Variants in STAB2 observed in about 807,000 individuals in gnomAD.
STAB2 encodes stabilin-2.
Under a neutral mutation model 338.1 loss-of-function variants are expected in STAB2, and 288 were observed. That is an observed-to-expected ratio of 0.85 (90% CI 0.77 to 0.94). The LOEUF is 0.94. STAB2 is among the 40% of genes least tolerant of loss of function. The pLI is 0.00. For synonymous variants in STAB2, 1,202 were observed against 1,193.3 expected (o/e 1.01, Z -0.15); for missense variants, 3,141 against 3,210.1 (o/e 0.98, Z 0.52).
rs11111731 is a variant in STAB2 at position 103,719,808 on chromosome 12, G to A, written c.4683+1967G>A. Among the ~76,000 whole-genome samples, 1,031 of 152,278 alleles carry A rather than the reference G, an allele frequency of 6.8e-3. 12 individuals are homozygous for A. The highest frequency in any genetic ancestry group is 0.024 in the African/African-American group (978 of 41,558). On this transcript the variant is annotated intron_variant, in intron 44 of 68. Coordinates refer to ENST00000388887, the MANE Select transcript of STAB2 (RefSeq NM_017564.10). ...TGAGGAGTGAAGGCCCTTGCCCAAG[G>A]CCACAGAGCTAGTATGTGGCATGGC...
Position 103,749,105 on chromosome 12 carries a change from C to A in STAB2, c.6387C>A (p.Asp2129Glu), listed in dbSNP as rs147900919. 6.2e-7 allele frequency: 1 copy of A among 1,612,122 alleles called. No homozygotes were observed. Among genetic ancestry groups the A allele is most frequent in the Non-Finnish European group, 8.5e-7 (1 of 1,178,622 alleles). Residue 2129 changes from aspartate (D) to glutamate (E), a missense_variant, in exon 59 of 69, where the codon GAC (aspartate) becomes GAA (glutamate). Transcript: ENST00000388887. Reference protein sequence around the residue: ...HSCTEIDPCADGLNGGCHEHA... With the variant: ...HSCTEIDPCAEGLNGGCHEHA... ...GCACAGAGATAGACCCCTGTGCAGA[C>A]GGCCTTAACGGAGGGTGTCACGAGC...
intron 26 of STAB2, 110 bp downstream of exon 26, chr12:103,683,410 C>G (rs1414560906): frequency 5.5e-6 from 5 of 911,962 alleles, no homozygotes; most frequent in Non-Finnish European, 8.0e-6. Flanking sequence ...TCTCTTACCC[C>G]CAAAAGGGAA....
At position 103,604,156 on chromosome 12, in the gene STAB2, C is replaced by A. The variant is rs182274055; in HGVS notation, c.331+9646C>A. On this transcript the variant is annotated intron_variant, in intron 3 of 68. Coordinates refer to ENST00000388887, the MANE Select transcript of STAB2 (RefSeq NM_017564.10). ...GACAATAATGTTGTCTGTGAATAGA[C>A]AACTTTATTTATTTATTTCTAATCT... 2.2e-3 allele frequency among the ~76,000 whole-genome samples: 329 copies of A among 152,150 alleles called. 2 individuals are homozygous for A. The highest frequency in any genetic ancestry group is 7.5e-3 in the African/African-American group (310 of 41,538).
In STAB2 at chr12:103,742,273, A is replaced by G. The variant is rs188577735; in HGVS notation, c.5882-132A>G. On this transcript the variant is annotated intron_variant, in intron 55 of 68. Transcript: ENST00000388887. Reference sequence around the variant, plus strand: ...TCCCATAGGCCAGTGACGTGCCTTAAATATCCACTGACACTGAAGGCGATG... The same window carrying G: ...TCCCATAGGCCAGTGACGTGCCTTAGATATCCACTGACACTGAAGGCGATG... 4.6e-5 allele frequency: 56 copies of G among 1,213,920 alleles called. No homozygotes were observed. In the Admixed American group the frequency reaches 1.3e-3, roughly 28 times the overall value. 75.2% of individuals were successfully genotyped at this position (1,213,920 alleles called of 1,614,324 possible). A position where few individuals can be genotyped will look rare whatever the true frequency, so the allele number is the denominator to read the frequency against.
chr12:103,755,726 C>T lies in STAB2; in HGVS notation c.6987+8C>T, dbSNP rs754263623. ...CTCACAAACTTCCTGACGGTATGTACCATGTCTGCTTGGTTTGCCTCAGGC... is the reference window on the plus strand; with the variant it reads ...CTCACAAACTTCCTGACGGTATGTATCATGTCTGCTTGGTTTGCCTCAGGC... On this transcript the variant is annotated splice_region_variant and intron_variant, in intron 63 of 68. Coordinates refer to ENST00000388887, the MANE Select transcript of STAB2 (RefSeq NM_017564.10). 1 of 1,613,810 alleles carries T rather than the reference C, an allele frequency of 6.2e-7. No homozygotes were observed. Among genetic ancestry groups the T allele is most frequent in the Admixed American group, 1.7e-5 (1 of 59,992 alleles).
chr12:103,607,542 C>A (rs942867606), intron 3 of STAB2, among the ~76,000 whole-genome samples: 58 of 152,136 alleles, frequency 3.8e-4, no homozygotes, highest in Admixed American at 1.4e-3. Flanking sequence ...CCTCCTCCCC[C>A]CACCCCACAA....
Position 103,663,017 on chromosome 12 carries a change from T to C in STAB2, c.2022+19T>C. 2.5e-6 allele frequency: 4 copies of C among 1,613,230 alleles called. No homozygotes were observed. The highest frequency in any genetic ancestry group is 3.4e-6 in the Non-Finnish European group (4 of 1,179,602). ...GAAACTGGTAAGAAAACTAGGAAAA[T>C]AAGTAAGGGCCCCAAACAGCCCCTC... On this transcript the variant is annotated intron_variant, in intron 18 of 68. Transcript: ENST00000388887.
chr12:103,761,647 G>C (rs777568109), intron 66 of STAB2, among the ~76,000 whole-genome samples: 2 of 152,142 alleles, frequency 1.3e-5, no homozygotes, highest in Non-Finnish European at 2.9e-5. Flanking sequence ...TTGAATGAAA[G>C]GGGGAGGATG....
At chr12:103,697,708 G>A (rs537744744) in intron 33 of STAB2, among the ~76,000 whole-genome samples, 2 of 152,334 alleles carry the variant, frequency 1.3e-5, no homozygotes, top group African/African-American at 4.8e-5. Context: ...GAATTTGATA[G>A]AATGAATTGT....
rs185424519 is a variant in STAB2, at chr12:103,637,182, A to C, written c.655A>C (p.Lys219Gln). The part of the protein sequence containing the change: ...RCSPSTEDEN[K>Q]LECKCLPNYR... ...TTCGCCTTCCACTGAAGATGAAAAC[A>C]AACTGGAATGCAAATGCCTTCCCAA... The change falls in exon 7 of 69, where the codon AAA (lysine) becomes CAA (glutamine). Residue 219 changes from lysine to glutamine, a missense_variant. By Grantham distance (53) the Lys-to-Gln change is moderately conservative. Transcript: ENST00000388887. 8.7e-4 allele frequency: 1,399 copies of C among 1,613,308 alleles called. No individual in the cohort carries two copies. The highest frequency in any genetic ancestry group is 1.1e-3 in the Non-Finnish European group (1,278 of 1,179,790).
At chr12:103,736,088 G>A (rs902523235) in intron 52 of STAB2, among the ~76,000 whole-genome samples, 3 of 152,130 alleles carry the variant, frequency 2.0e-5, no homozygotes, top group African/African-American at 7.2e-5. Flanking sequence ...ATGATGAATG[G>A]GTCTAATGGG....
At chr12:103,675,849 G>T (rs1386185885) in intron 23 of STAB2, 79 bp from the exon 24 acceptor site, 3 of 1,149,930 alleles carry the variant, frequency 2.6e-6, no homozygotes, top group Non-Finnish European at 3.8e-6. Flanking sequence ...CCAGGAACTG[G>T]CTCATCTCTA....
At chr12:103,667,554 A>AT (rs1257161002) in intron 19 of STAB2, among the ~76,000 whole-genome samples, 2 of 151,922 alleles carry the variant, frequency 1.3e-5, no homozygotes, top group Non-Finnish European at 1.5e-5. Flanking sequence ...GAGGGAAAAG[A>AT]AAGGGAAATT....
Position 103,587,458 on chromosome 12 carries a change from A to G in STAB2, c.-19A>G. On this transcript the variant is annotated 5_prime_UTR_variant, in exon 1 of 69. Coordinates refer to ENST00000388887, the MANE Select transcript of STAB2 (RefSeq NM_017564.10). Reference sequence around the variant, plus strand: ...AGCCTGACAGGTGCTTGGCACAGAGAAGGAGCAAATATTTCCTCATGATGC... The same window carrying G: ...AGCCTGACAGGTGCTTGGCACAGAGGAGGAGCAAATATTTCCTCATGATGC... 6.2e-7 allele frequency: 1 copy of G among 1,609,302 alleles called. No individual in the cohort carries two copies. Among genetic ancestry groups the G allele is most frequent in the Admixed American group, 1.7e-5 (1 of 59,898 alleles).
chr12:103,740,716 C>T lies in STAB2; in HGVS notation c.5841C>T (p.Ile1947=), dbSNP rs1351387726. Residue 1947 remains isoleucine (I), a synonymous_variant, in exon 55 of 69, where the codon ATC becomes ATT. Coordinates refer to ENST00000388887, the MANE Select transcript of STAB2 (RefSeq NM_017564.10). ...AGCGGTGCAGCCTGGTGATACAGAT[C>T]CCCAGGTGCTGCAAGGGCTACTTCG... ...CRERCSLVIQ[I]PRCCKGYFGR... is the part of the protein sequence containing the mutation. 2.5e-6 allele frequency: 4 copies of T among 1,602,374 alleles called. No homozygotes were observed. Among genetic ancestry groups the T allele is most frequent in the East Asian group, 2.3e-5 (1 of 44,316 alleles).
At chr12:103,589,191 G>A (rs565168256) in intron 1 of STAB2, among the ~76,000 whole-genome samples, 41 of 152,288 alleles carry the variant, frequency 2.7e-4, no homozygotes, top group Non-Finnish European at 4.6e-4. Context: ...TTCTTTTTAT[G>A]CAGGCTTTAT....
At chr12:103,691,724 A>C (rs770470623) in intron 30 of STAB2, among the ~76,000 whole-genome samples, 1 of 152,194 alleles carries the variant, frequency 6.6e-6, no homozygotes, top group Non-Finnish European at 1.5e-5. Context: ...ATTTGTAATG[A>C]GTTCATTCCT....
chr12:103,758,332 A>G (rs1056266531), intron 64 of STAB2, 43 bp downstream of exon 64: 2 of 1,606,622 alleles, frequency 1.2e-6, no homozygotes, highest in East Asian at 2.2e-5. Context: ...CTAGCATGTT[A>G]TCTATCACCA....
At chr12:103,602,490 AG>A (rs1731392904) in intron 3 of STAB2, among the ~76,000 whole-genome samples, 2 of 152,320 alleles carry the variant, frequency 1.3e-5, no homozygotes, top group African/African-American at 4.8e-5. Context: ...AATACCTGGG[AG>A]CGGGTGTCCT....
Sources: allele counts gnomAD v4.1 joint callset (sites outside exome capture counted in the v4.1 genomes callset), GRCh38; gene constraint gnomAD v4.1.1; transcripts MANE v1.5; gene names NCBI Gene and HGNC (gene_info 2026-07-23, HGNC 2026-07-21).